GRIN2A: variants seen among roughly 807,000 people sequenced by gnomAD.
GRIN2A encodes glutamate ionotropic receptor NMDA type subunit 2A, also known as glutamate receptor ionotropic, NMDA 2A.
A neutral mutation model predicts 113.4 loss-of-function variants in GRIN2A; 22 were observed. The observed-to-expected ratio is 0.19, with a 90% CI of 0.14 to 0.28. The LOEUF (loss-of-function observed/expected upper bound fraction) is 0.28. Ranked by LOEUF, GRIN2A falls within the 10% of genes least tolerant of loss-of-function variation. The probability of loss-of-function intolerance (pLI) is 1.00; values close to 1 mark genes in which losing one functional copy is unlikely to be tolerated. For synonymous variants in GRIN2A, 827 were observed against 738.4 expected, an observed-to-expected ratio of 1.12 and a Z score of -1.94; for missense variants, 1,502 against 1,887.0, an observed-to-expected ratio of 0.80 and a Z score of 3.78.
At chr16:10,044,024 G>GAGAGAGAGAT (rs2047216394) in intron 2 of GRIN2A, among the ~76,000 whole-genome samples, 2 of 126,974 alleles carry the variant, frequency 1.6e-5, no homozygotes, top group African/African-American at 6.1e-5. Flanking sequence ...TATATATATA[G>GAGAGAGAGAT]AGAGAGAGAG....
chr16:10,012,589 C>T (rs1310989047), intron 2 of GRIN2A, among the ~76,000 whole-genome samples: 2 of 152,122 alleles, frequency 1.3e-5, no homozygotes, highest in Non-Finnish European at 2.9e-5. Flanking sequence ...ATCCCTGGAA[C>T]CTGTGAATAT....
chr16:9,845,488 C>G (rs1204469883), intron 5 of GRIN2A, among the ~76,000 whole-genome samples: 2 of 152,126 alleles, frequency 1.3e-5, no homozygotes, highest in Admixed American at 6.5e-5. Context: ...TTTGTGCCAG[C>G]CACTTTGCTT....
At chr16:9,907,477 T>C (rs1354617226) in intron 3 of GRIN2A, among the ~76,000 whole-genome samples, 1 of 152,080 alleles carries the variant, frequency 6.6e-6, no homozygotes, top group Non-Finnish European at 1.5e-5. Flanking sequence ...AGTGTGGCTG[T>C]AAGTAGACAT....
At chr16:9,809,431 G>C (rs377118543) in intron 10 of GRIN2A, among the ~76,000 whole-genome samples, 3 of 151,752 alleles carry the variant, frequency 2.0e-5, no homozygotes, top group Non-Finnish European at 2.9e-5. Flanking sequence ...CTCTGTCTCA[G>C]AAAAACAAAA....
In GRIN2A at chr16:9,768,875, A is replaced by C; in HGVS notation, c.2571T>G (p.Pro857=). 2 of 1,614,066 alleles carry C rather than the reference A, an allele frequency of 1.2e-6. No individual in the cohort carries two copies. The highest frequency in any genetic ancestry group is 1.7e-6 in the Non-Finnish European group (2 of 1,179,904). ...FCFTGVCSDR[P]GLLFSISRGI... is the part of the protein sequence containing the mutation. ...CCCTGCTGATGGAGAAGAGCAACCCAGGCCGGTCGGAGCACACGCCCGTGA... is the reference window on the plus strand; with the variant it reads ...CCCTGCTGATGGAGAAGAGCAACCCCGGCCGGTCGGAGCACACGCCCGTGA... The change falls in exon 12 of 13, where the codon CCT becomes CCG. Residue 857 remains proline, a synonymous_variant. Transcript: ENST00000330684.
In GRIN2A at chr16:10,181,872, C is replaced by G. The variant is rs967703140; in HGVS notation, c.-19+5G>C. On this transcript the variant is annotated splice_donor_5th_base_variant and intron_variant, in intron 1 of 12. Coordinates refer to ENST00000330684, the MANE Select transcript of GRIN2A (RefSeq NM_001134407.3). Reference sequence around the variant, plus strand: ...AAGGAGCCCTGATCTCCCTCTGGGACGTACCTGTAGCCCGAGAAGGTCGAG... The same window carrying G: ...AAGGAGCCCTGATCTCCCTCTGGGAGGTACCTGTAGCCCGAGAAGGTCGAG... The G allele has an allele frequency of 6.5e-6, 1 of 152,978 alleles. No individual in the cohort carries two copies. The highest frequency in any genetic ancestry group is 6.5e-5 in the Admixed American group (1 of 15,296). 9.5% of individuals were successfully genotyped at this position (152,978 alleles called of 1,614,324 possible). A position where few individuals can be genotyped will look rare whatever the true frequency, so the allele number is the denominator to read the frequency against.
rs554371294 is a variant in GRIN2A at position 9,942,548 on chromosome 16, G to T, written c.415-3997C>A. ...TGTCCACGCCTGACTTTGACAGTTT[G>T]GGTGCTTGTCTCCACATCCTCGGTC... On this transcript the variant is annotated intron_variant, in intron 2 of 12. Transcript: ENST00000330684. Among the ~76,000 whole-genome samples the T allele has an allele frequency of 4.6e-5, 7 of 152,264 alleles. No homozygotes were observed. In the East Asian group the frequency reaches 1.4e-3, roughly 29 times the overall value.
intron 2 of GRIN2A, among the ~76,000 whole-genome samples, chr16:10,059,152 C>T (rs898058972): frequency 2.6e-5 from 4 of 152,060 alleles, no homozygotes; most frequent in African/African-American, 9.7e-5. Context: ...GAGGAAATGG[C>T]GACAAAGATG....
At chr16:9,811,250 G>T (rs10468237) in intron 10 of GRIN2A, among the ~76,000 whole-genome samples, 2 of 151,860 alleles carry the variant, frequency 1.3e-5, no homozygotes, top group Admixed American at 6.6e-5. Flanking sequence ...ACAAGCAGAG[G>T]GTTAGCACAA....
chr16:10,158,340 G>A (rs1169848047), intron 2 of GRIN2A, among the ~76,000 whole-genome samples: 1 of 152,180 alleles, frequency 6.6e-6, no homozygotes, highest in Non-Finnish European at 1.5e-5. Flanking sequence ...AAGTATTCTG[G>A]TGGTGGGAGT....
intron 2 of GRIN2A, among the ~76,000 whole-genome samples, chr16:10,044,196 G>A (rs1275134828): frequency 6.6e-6 from 1 of 151,720 alleles, no homozygotes; most frequent in Non-Finnish European, 1.5e-5. Context: ...ACCATGCCCA[G>A]CTAATTTTTG....
chr16:10,091,982 T>A (rs919698153), intron 2 of GRIN2A, among the ~76,000 whole-genome samples: 14 of 152,200 alleles, frequency 9.2e-5, no homozygotes, highest in African/African-American at 3.1e-4. Context: ...AATCATTGGA[T>A]TATGTATTTA....
chr16:9,898,149 C>G (rs946433647), intron 3 of GRIN2A, among the ~76,000 whole-genome samples: 1 of 137,732 alleles, frequency 7.3e-6, no homozygotes, highest in Non-Finnish European at 1.5e-5. Context: ...CTTCATAGTT[C>G]GCATAAAATG....
chr16:10,157,751 C>T (rs147220652), intron 2 of GRIN2A, among the ~76,000 whole-genome samples: 1 of 152,058 alleles, frequency 6.6e-6, no homozygotes, highest in East Asian at 1.9e-4. Flanking sequence ...GATTGCAATT[C>T]GAGATGAGAT....
intron 4 of GRIN2A, among the ~76,000 whole-genome samples, chr16:9,881,092 C>G (rs2043472354): frequency 6.6e-6 from 1 of 152,160 alleles, no homozygotes; most frequent in Non-Finnish European, 1.5e-5. Context: ...GTTCTATTAT[C>G]TCTGTTGATG....
chr16:10,098,529 A>C (rs1172803166), intron 2 of GRIN2A, among the ~76,000 whole-genome samples: 8 of 152,088 alleles, frequency 5.3e-5, no homozygotes, highest in South Asian at 2.1e-4. Flanking sequence ...CACAATTCAC[A>C]AATGCAAAAA....
intron 2 of GRIN2A, among the ~76,000 whole-genome samples, chr16:10,081,116 A>C (rs993216740): frequency 1.1e-4 from 16 of 152,200 alleles, no homozygotes; most frequent in Admixed American, 3.3e-4. Context: ...GTTAATATAA[A>C]TATCTACCAT....
chr16:10,015,268 A>G (rs915871764), intron 2 of GRIN2A, among the ~76,000 whole-genome samples: 82 of 111,134 alleles, frequency 7.4e-4, no homozygotes, highest in Middle Eastern at 4.5e-3. Flanking sequence ...AAAAAAAAAA[A>G]AAAGAAAAAA....
At chr16:10,104,274 G>C (rs1450024222) in intron 2 of GRIN2A, among the ~76,000 whole-genome samples, 1 of 152,190 alleles carries the variant, frequency 6.6e-6, no homozygotes. Flanking sequence ...CTGGCCAGGA[G>C]AGAAAAGAGA....
Sources: allele counts gnomAD v4.1 joint callset (sites outside exome capture counted in the v4.1 genomes callset), GRCh38; gene constraint gnomAD v4.1.1; transcripts MANE v1.5; gene names NCBI Gene and HGNC (gene_info 2026-07-23, HGNC 2026-07-21).